The following CCDC191 variants were observed in gnomAD, a reference collection of about 807,000 sequenced individuals.
The protein encoded by CCDC191 is coiled-coil domain containing 191.
A neutral mutation model predicts 114.0 loss-of-function variants in CCDC191; 99 were observed. The observed-to-expected ratio is 0.87, with a 90% confidence interval of 0.74 to 1.03. The LOEUF (loss-of-function observed/expected upper bound fraction) is 1.03, where lower values mean the gene tolerates loss of function less well. Among genes scored for constraint, CCDC191 ranks in the 50% least tolerant of loss-of-function variants. The pLI, the probability that CCDC191 is intolerant of heterozygous loss-of-function variation, is 0.00. For synonymous variants in CCDC191, 351 were observed against 376.0 expected, an observed-to-expected ratio of 0.93 and a Z score of 0.77; for missense variants, 973 against 1,087.0, an observed-to-expected ratio of 0.90 and a Z score of 1.47.
At chr3:113,966,804 T>TA (rs1162878158) in intron 16 of CCDC191, among the ~76,000 whole-genome samples, 2 of 151,830 alleles carry the variant, frequency 1.3e-5, no homozygotes, top group Non-Finnish European at 2.9e-5. Context: ...GGTACTGCTT[T>TA]AAAAAAAGGC....
intron 7 of CCDC191, among the ~76,000 whole-genome samples, chr3:114,024,092 T>A (rs906759790): frequency 7.2e-5 from 11 of 152,050 alleles, no homozygotes; most frequent in Non-Finnish European, 1.5e-4. Flanking sequence ...AAAAGACACA[T>A]GAAAAAATGC....
intron 11 of CCDC191, chr3:114,003,460 C>T: frequency 1.0e-6 from 1 of 985,408 alleles, no homozygotes; most frequent in African/African-American, 1.7e-5. Flanking sequence ...GTGAAATTGT[C>T]TCTAAGAAGG....
rs774053294 is a variant in CCDC191, at chr3:114,018,846, G to T, written c.995C>A (p.Ala332Asp). ...ATGATCAAGAATCAGCTTGTGCCAG[G>T]CAGCGAAATACCGTTTTTGACACTG... The part of the protein sequence containing the change: ...NQQCQKRYFA[A>D]WHKLILDHRI... Residue 332 changes from alanine (A) to aspartate (D), a missense_variant, in exon 8 of 17, where the codon GCC (alanine) becomes GAC (aspartate). Transcript: ENST00000295878. The T allele has an allele frequency of 1.2e-6, 2 of 1,613,584 alleles. No homozygotes were observed. Among genetic ancestry groups the T allele is most frequent in the South Asian group, 2.2e-5 (2 of 91,040 alleles).
chr3:114,024,413 C>A (rs561378049), intron 7 of CCDC191, among the ~76,000 whole-genome samples: 22 of 152,184 alleles, frequency 1.4e-4, no homozygotes, highest in African/African-American at 5.3e-4. Flanking sequence ...AGGTTTATTG[C>A]GGCACTATTC....
intron 15 of CCDC191, 48 bp downstream of exon 15, chr3:113,978,810 G>C: frequency 2.5e-6 from 4 of 1,570,586 alleles, no homozygotes; most frequent in Non-Finnish European, 3.5e-6. Flanking sequence ...TTCTTAAATA[G>C]AATTGAGCAA....
intron 13 of CCDC191, among the ~76,000 whole-genome samples, chr3:113,999,377 T>C (rs1413223561): frequency 6.6e-6 from 1 of 152,126 alleles, no homozygotes; most frequent in Non-Finnish European, 1.5e-5. Context: ...AAGGGAGTTA[T>C]GAGGCTAGCT....
chr3:114,046,551 A>C (rs760578418), intron 3 of CCDC191, 40 bp downstream of exon 3: 81 of 1,211,976 alleles, frequency 6.7e-5, no homozygotes, highest in Middle Eastern at 3.9e-4. Context: ...GTTATGCTTT[A>C]AGAATTGTTA....
At chr3:114,039,909 T>C (rs1444182642) in intron 4 of CCDC191, among the ~76,000 whole-genome samples, 1 of 152,172 alleles carries the variant, frequency 6.6e-6, no homozygotes, top group Non-Finnish European at 1.5e-5. Context: ...TATGTTTTTA[T>C]AAATTCAGTG....
rs569184751 is a variant in CCDC191, at chr3:114,042,967, T to C, written c.272-121A>G. On this transcript the variant is annotated intron_variant, in intron 3 of 16. Transcript: ENST00000295878. ...CTATCGTGTCAAGTACTGTTCTAGA[T>C]ACTGGAATACAACAGTGAACAAAAC... is the stretch of plus-strand genomic sequence containing the variant. 5.7e-6 allele frequency: 5 copies of C among 883,606 alleles called. No homozygotes were observed. In the East Asian group the frequency reaches 9.2e-5, roughly 16 times the overall value. 54.7% of individuals were successfully genotyped at this position (883,606 alleles called of 1,614,324 possible). A position where few individuals can be genotyped will look rare whatever the true frequency, so the allele number is the denominator to read the frequency against.
chr3:114,013,356 A>G (rs1406767779), intron 8 of CCDC191, among the ~76,000 whole-genome samples: 1 of 152,230 alleles, frequency 6.6e-6, no homozygotes, highest in Non-Finnish European at 1.5e-5. Context: ...TCCAGAGACA[A>G]GGATAGTTCC....
intron 8 of CCDC191, among the ~76,000 whole-genome samples, chr3:114,018,400 C>T (rs1342422542): frequency 6.6e-6 from 1 of 151,944 alleles, no homozygotes; most frequent in Non-Finnish European, 1.5e-5. Flanking sequence ...GTCTTGAACT[C>T]CTAGGCTCGA....
intron 13 of CCDC191, among the ~76,000 whole-genome samples, chr3:113,995,842 A>C (rs1487926345): frequency 6.6e-6 from 1 of 152,192 alleles, no homozygotes; most frequent in African/African-American, 2.4e-5. Flanking sequence ...ATAGAATCTC[A>C]TTGTGGTTTT....
chr3:114,053,035 T>G (rs558560372), intron 2 of CCDC191, among the ~76,000 whole-genome samples: 12 of 152,220 alleles, frequency 7.9e-5, no homozygotes, highest in Non-Finnish European at 1.6e-4. Context: ...CTGGAAGAGA[T>G]GTCAGAGGTT....
chr3:114,052,041 C>T (rs867479878), intron 2 of CCDC191, among the ~76,000 whole-genome samples: 11 of 152,038 alleles, frequency 7.2e-5, no homozygotes, highest in South Asian at 4.1e-4. Context: ...GAAATTAGGA[C>T]GCAGGAGAAT....
At chr3:114,000,895 C>T (rs1422691215) in intron 13 of CCDC191, among the ~76,000 whole-genome samples, 1 of 152,080 alleles carries the variant, frequency 6.6e-6, no homozygotes, top group Non-Finnish European at 1.5e-5. Context: ...CTCAAGCAAT[C>T]CTCCCACCTC....
intron 1 of CCDC191, among the ~76,000 whole-genome samples, chr3:114,054,738 A>C (rs1000952066): frequency 6.6e-6 from 1 of 152,072 alleles, no homozygotes; most frequent in African/African-American, 2.4e-5. Flanking sequence ...AGAAAATATA[A>C]ATTTCCACCC....
chr3:114,040,451 T>C lies in CCDC191; in HGVS notation c.415+2252A>G, dbSNP rs533467846. On this transcript the variant is annotated intron_variant, in intron 4 of 16. Transcript: ENST00000295878. ...GGTGTATATATATTTATAGTTGTTA[T>C]GTTTTTCTGATGGATTGACTCTTTT... Among the ~76,000 whole-genome samples, 7 of 152,334 alleles carry C rather than the reference T, an allele frequency of 4.6e-5. No homozygotes were observed. In the South Asian group the frequency reaches 8.3e-4, roughly 18 times the overall value.
intron 16 of CCDC191, among the ~76,000 whole-genome samples, chr3:113,967,019 A>C (rs1398545861): frequency 6.6e-6 from 1 of 152,144 alleles, no homozygotes; most frequent in Non-Finnish European, 1.5e-5. Context: ...GAATCACTTG[A>C]ACCTGGGAGG....
intron 8 of CCDC191, among the ~76,000 whole-genome samples, chr3:114,011,873 T>C (rs1164995050): frequency 6.6e-6 from 1 of 152,232 alleles, no homozygotes; most frequent in African/African-American, 2.4e-5. Context: ...GTCTGAGATC[T>C]ATCTATAAGT....
Sources: gnomAD v4.1 joint callset for allele counts (sites outside exome capture counted in the v4.1 genomes callset) on GRCh38, gnomAD v4.1.1 for gene constraint, MANE v1.5 for transcripts, NCBI Gene and HGNC (gene_info 2026-07-23, HGNC 2026-07-21) for gene names.